KIAA0232: variants seen among roughly 807,000 people sequenced by gnomAD.
KIAA0232 encodes uncharacterized protein KIAA0232.
KIAA0232 carries 27 observed loss-of-function variants against 122.0 expected under a neutral mutation model. That is an observed-to-expected ratio of 0.22 (90% confidence interval 0.16 to 0.31). The LOEUF (loss-of-function observed/expected upper bound fraction) is 0.31. Among genes scored for constraint, KIAA0232 ranks in the 10% least tolerant of loss-of-function variants. The pLI is 1.00. For synonymous variants in KIAA0232, 613 were observed against 587.6 expected (o/e 1.04, Z -0.63); for missense variants, 1,551 against 1,634.2 (o/e 0.95, Z 0.88).
At chr4:6,873,890 T>A (rs1385843169) in intron 8 of KIAA0232, among the ~76,000 whole-genome samples, 1 of 152,186 alleles carries the variant, frequency 6.6e-6, no homozygotes. Context: ...CTCAGAAGGA[T>A]AGCCAAGAAA....
intron 3 of KIAA0232, among the ~76,000 whole-genome samples, chr4:6,836,496 A>G (rs186777848): frequency 6.3e-5 from 9 of 141,880 alleles, no homozygotes; most frequent in Middle Eastern, 3.7e-3. Context: ...TATTGTGCTT[A>G]ATAATTGTAT....
At chr4:6,799,224 T>C (rs1370157102) in intron 1 of KIAA0232, among the ~76,000 whole-genome samples, 1 of 151,298 alleles carries the variant, frequency 6.6e-6, no homozygotes, top group Non-Finnish European at 1.5e-5. Context: ...TGTGTGAATT[T>C]CCCTCTTCTT....
In KIAA0232 at chr4:6,824,045, TG is replaced by T. The variant is rs1386699343; in HGVS notation, c.-269-134del. The T allele has an allele frequency of 9.5e-5, 35 of 367,386 alleles. No homozygotes were observed. The South Asian group carries it at 2.2e-3, about 23-fold the overall frequency. The allele number at this position is 367,386 out of a possible 1,614,324, so 22.8% of individuals were successfully genotyped here. A position where few individuals can be genotyped will look rare whatever the true frequency, so the allele number is the denominator to read the frequency against. On this transcript the variant is annotated intron_variant, in intron 2 of 9. Transcript: ENST00000307659. ...TAGAAGTTTAAAATATCAAAGATGA[TG>T]GGGGGAAAAATCAGTGTTCTAAGAT... is the stretch of plus-strand genomic sequence containing the variant.
rs752428517 is a variant in KIAA0232 at position 6,800,043 on chromosome 4, C to CTTTTTTTTTTTTTTTTTTTT, written c.-353-4467_-353-4448dup. 9.7e-4 allele frequency among the ~76,000 whole-genome samples: 58 copies of CTTTTTTTTTTTTTTTTTTTT among 60,076 alleles called. 5 individuals are homozygous for CTTTTTTTTTTTTTTTTTTTT. Among genetic ancestry groups the CTTTTTTTTTTTTTTTTTTTT allele is most frequent in the African/African-American group, 1.4e-3 (21 of 15,332 alleles). The allele number at this position is 60,076 out of a possible 152,430, so 39.4% of individuals were successfully genotyped here. Reference sequence around the variant, plus strand: ...TTTCTTTTTCTTTCTTTCTTTCTTTCTTTTTTTTTTTTTTTTTTTTTTTTT... The same window carrying CTTTTTTTTTTTTTTTTTTTT: ...TTTCTTTTTCTTTCTTTCTTTCTTTCTTTTTTTTTTTTTTTTTTTTTTTTTTTTTTTTTTTTTTTTTTTTT... On this transcript the variant is annotated intron_variant, in intron 1 of 9. Transcript: ENST00000307659.
intron 2 of KIAA0232, among the ~76,000 whole-genome samples, chr4:6,806,773 CAAT>C (rs1717636532): frequency 8.8e-6 from 1 of 113,510 alleles, no homozygotes; most frequent in Non-Finnish European, 1.9e-5. Context: ...AGAATTAAAA[CAAT>C]AAGAACATAC....
chr4:6,783,362 C>T (rs1020454293), intron 1 of KIAA0232, among the ~76,000 whole-genome samples: 5 of 152,204 alleles, frequency 3.3e-5, no homozygotes, highest in African/African-American at 7.2e-5. Flanking sequence ...CCGTTGGCTG[C>T]CTCCTGCCTG....
At chr4:6,845,717 T>C (rs1191343039) in intron 4 of KIAA0232, among the ~76,000 whole-genome samples, 2 of 152,172 alleles carry the variant, frequency 1.3e-5, no homozygotes, top group East Asian at 1.9e-4. Flanking sequence ...AAGGATCTTA[T>C]TTCTTCTTTG....
At chr4:6,836,224 G>T (rs1403817082) in intron 3 of KIAA0232, among the ~76,000 whole-genome samples, 1 of 152,110 alleles carries the variant, frequency 6.6e-6, no homozygotes, top group Non-Finnish European at 1.5e-5. Flanking sequence ...GACCAGTGAT[G>T]ATGAGCATTT....
Position 6,842,839 on chromosome 4 carries a change from G to A in KIAA0232, c.369+635G>A, listed in dbSNP as rs534173760. Among the ~76,000 whole-genome samples, 5 of 152,060 alleles carry A rather than the reference G, an allele frequency of 3.3e-5. No individual in the cohort carries two copies. The East Asian group carries it at 5.8e-4, about 18-fold the overall frequency. On this transcript the variant is annotated intron_variant, in intron 4 of 9. Transcript: ENST00000307659. ...CCTGATCTCAGGTGATCTGCCTGCC[G>A]TGGCCTCCCAAAGTGCTGAGATTAT...
intron 1 of KIAA0232, among the ~76,000 whole-genome samples, chr4:6,784,441 G>C (rs1248795263): frequency 3.3e-5 from 5 of 152,046 alleles, no homozygotes; most frequent in Admixed American, 3.3e-4. Flanking sequence ...AGGGCGGGGG[G>C]GGAGGAGGAG....
At chr4:6,788,067 C>T (rs1716710627) in intron 1 of KIAA0232, among the ~76,000 whole-genome samples, 1 of 152,176 alleles carries the variant, frequency 6.6e-6, no homozygotes, top group Non-Finnish European at 1.5e-5. Context: ...GAGACAGGGT[C>T]TTACTCTGTC....
intron 3 of KIAA0232, among the ~76,000 whole-genome samples, chr4:6,826,851 TA>T (rs1037351966): frequency 6.6e-6 from 1 of 152,182 alleles, no homozygotes; most frequent in South Asian, 2.1e-4. Flanking sequence ...ACATATAGGA[TA>T]AAACAGGCCA....
intron 2 of KIAA0232, among the ~76,000 whole-genome samples, chr4:6,807,954 G>A (rs1262921648): frequency 6.6e-6 from 1 of 152,184 alleles, no homozygotes; most frequent in African/African-American, 2.4e-5. Flanking sequence ...TGTAGTCCCA[G>A]CTACTCGGGT....
At chr4:6,870,705 G>A (rs1373661854) in intron 7 of KIAA0232, among the ~76,000 whole-genome samples, 1 of 152,108 alleles carries the variant, frequency 6.6e-6, no homozygotes, top group African/African-American at 2.4e-5. Flanking sequence ...AGGAAGCTAA[G>A]GCACGAGAAT....
chr4:6,850,559 T>A (rs1261709850), intron 4 of KIAA0232, among the ~76,000 whole-genome samples: 1 of 152,228 alleles, frequency 6.6e-6, no homozygotes, highest in Admixed American at 6.5e-5. Flanking sequence ...TCATTCTTCG[T>A]TCCTAAGTAG....
At chr4:6,808,875 A>G (rs1359394759) in intron 2 of KIAA0232, among the ~76,000 whole-genome samples, 4 of 152,250 alleles carry the variant, frequency 2.6e-5, no homozygotes, top group South Asian at 2.1e-4. Context: ...TAAGCATTCT[A>G]CTAAATGGTA....
At chr4:6,830,403 CTTTT>C (rs10714574) in intron 3 of KIAA0232, among the ~76,000 whole-genome samples, 3 of 75,544 alleles carry the variant, frequency 4.0e-5, no homozygotes, top group Admixed American at 1.4e-4. Flanking sequence ...TCTCTGTTGT[CTTTT>C]TTTTTTTTTT....
At chr4:6,876,211 C>T (rs1345620834) in intron 8 of KIAA0232, among the ~76,000 whole-genome samples, 2 of 152,224 alleles carry the variant, frequency 1.3e-5, no homozygotes, top group Admixed American at 1.3e-4. Context: ...TTCTCCATTG[C>T]GTTCCCTTCT....
chr4:6,874,379 GC>G (rs1187546710), intron 8 of KIAA0232, among the ~76,000 whole-genome samples: 8 of 152,142 alleles, frequency 5.3e-5, no homozygotes, highest in African/African-American at 1.9e-4. Context: ...CATTGGGTAT[GC>G]CCCCAACATG....
Sources: allele counts gnomAD v4.1 joint callset (sites outside exome capture counted in the v4.1 genomes callset), GRCh38; gene constraint gnomAD v4.1.1; transcripts MANE v1.5; gene names NCBI Gene and HGNC (gene_info 2026-07-23, HGNC 2026-07-21).